CDH18: variants seen among roughly 807,000 people sequenced by gnomAD.
CDH18 encodes cadherin-18.
In CDH18, 31 loss-of-function variants were observed where a neutral mutation model predicts 67.9. The observed-to-expected ratio is 0.46, with a 90% confidence interval of 0.34 to 0.62. CDH18 has a LOEUF of 0.62. Among genes scored for constraint, CDH18 ranks in the 20% least tolerant of loss-of-function variants. The pLI is 0.01. For synonymous variants in CDH18, 362 were observed against 347.2 expected (o/e 1.04, Z -0.48); for missense variants, 890 against 975.5 (o/e 0.91, Z 1.17).
chr5:20,103,569 C>CAAAAAAA (rs139801417), intron 2 of CDH18, among the ~76,000 whole-genome samples: 1 of 102,120 alleles, frequency 9.8e-6, no homozygotes, highest in African/African-American at 4.2e-5. Flanking sequence ...ACTAAAAATA[C>CAAAAAAA]AAAAAAAAAA....
intron 2 of CDH18, among the ~76,000 whole-genome samples, chr5:19,915,160 C>T (rs1477993037): frequency 1.3e-5 from 2 of 152,110 alleles, no homozygotes; most frequent in East Asian, 3.9e-4. Flanking sequence ...TCTTTGATTT[C>T]TTAGTCTCTT....
At chr5:20,264,163 G>A (rs951532244) in intron 1 of CDH18, among the ~76,000 whole-genome samples, 1 of 151,912 alleles carries the variant, frequency 6.6e-6, no homozygotes, top group Non-Finnish European at 1.5e-5. Context: ...CCTAGTTAGT[G>A]CTAACTACAG....
chr5:19,495,683 CACT>C (rs1422750870), intron 11 of CDH18, among the ~76,000 whole-genome samples: 2 of 123,634 alleles, frequency 1.6e-5, no homozygotes, highest in African/African-American at 6.3e-5. Context: ...CCCGCCATTG[CACT>C]ACAGCCTGGG....
intron 2 of CDH18, among the ~76,000 whole-genome samples, chr5:19,973,410 T>C (rs1798212776): frequency 6.6e-6 from 1 of 152,156 alleles, no homozygotes; most frequent in Non-Finnish European, 1.5e-5. Context: ...CTATGTACGA[T>C]GTACTTCAAA....
intron 10 of CDH18, among the ~76,000 whole-genome samples, chr5:19,514,975 T>A (rs1226771458): frequency 6.6e-6 from 1 of 152,212 alleles, no homozygotes; most frequent in African/African-American, 2.4e-5. Context: ...TTTTTATGGT[T>A]TTAGGTCTAA....
intron 1 of CDH18, among the ~76,000 whole-genome samples, chr5:19,987,102 AG>A (rs1377646335): frequency 6.6e-6 from 1 of 152,174 alleles, no homozygotes; most frequent in Non-Finnish European, 1.5e-5. Flanking sequence ...GACTTCCAAC[AG>A]GAAAAAAGCA....
chr5:20,564,222 T>C (rs1758372713), intron 1 of CDH18, among the ~76,000 whole-genome samples: 1 of 151,844 alleles, frequency 6.6e-6, no homozygotes, highest in Admixed American at 6.6e-5. Flanking sequence ...TAATCGTTCT[T>C]AATCTTCCCA....
At chr5:19,962,378 C>CAAAAAA (rs3065078) in intron 2 of CDH18, among the ~76,000 whole-genome samples, 4,078 of 50,582 alleles carry the variant, frequency 0.081, 149 homozygotes, top group Middle Eastern at 0.12. Context: ...CGTCAAAAAG[C>CAAAAAA]AAAAAAAAAA....
chr5:20,011,920 C>G (rs1402882983), intron 2 of CDH18, among the ~76,000 whole-genome samples: 1 of 151,994 alleles, frequency 6.6e-6, no homozygotes, highest in African/African-American at 2.4e-5. Flanking sequence ...GTATTTCTGC[C>G]AGGTTTTGGT....
rs575055371 is a variant in CDH18 at position 19,984,521 on chromosome 5, T to A, written c.-375-3343A>T. Among the ~76,000 whole-genome samples the A allele has an allele frequency of 5.3e-5, 8 of 152,320 alleles. No individual in the cohort carries two copies. The South Asian group carries it at 1.2e-3, about 24-fold the overall frequency. Reference sequence around the variant, plus strand: ...ATGAAAATAATATAGCAGAGAATATTAACCTTTCTTGTAGATGATTTTTAA... The same window carrying A: ...ATGAAAATAATATAGCAGAGAATATAAACCTTTCTTGTAGATGATTTTTAA... On this transcript the variant is annotated intron_variant, in intron 1 of 12. Coordinates refer to ENST00000382275, the MANE Select transcript of CDH18 (RefSeq NM_004934.5).
At chr5:20,329,460 TAA>T (rs1738944828) in intron 1 of CDH18, among the ~76,000 whole-genome samples, 1 of 152,010 alleles carries the variant, frequency 6.6e-6, no homozygotes, top group Non-Finnish European at 1.5e-5. Context: ...AAAATGCTGA[TAA>T]AGAGTCAGCC....
intron 2 of CDH18, among the ~76,000 whole-genome samples, chr5:20,182,392 G>A (rs989862558): frequency 6.6e-6 from 1 of 151,570 alleles, no homozygotes; most frequent in Non-Finnish European, 1.5e-5. Context: ...CACCTGAGGT[G>A]AGGAGTTTGA....
chr5:19,759,857 G>A (rs187333528), intron 3 of CDH18, among the ~76,000 whole-genome samples: 1 of 152,252 alleles, frequency 6.6e-6, no homozygotes, highest in Admixed American at 6.5e-5. Flanking sequence ...CTTCACTCCA[G>A]GGGTTCTGGG....
intron 12 of CDH18, among the ~76,000 whole-genome samples, chr5:19,480,409 C>T (rs1176535745): frequency 6.6e-6 from 1 of 151,218 alleles, no homozygotes; most frequent in Non-Finnish European, 1.5e-5. Context: ...TGGAGTCTCA[C>T]TCTGTCATCC....
At chr5:19,650,537 A>G (rs1755420621) in intron 5 of CDH18, among the ~76,000 whole-genome samples, 1 of 152,062 alleles carries the variant, frequency 6.6e-6, no homozygotes, top group Non-Finnish European at 1.5e-5. Flanking sequence ...AATGGAGATA[A>G]AGAGAAAATA....
At chr5:20,571,183 A>G (rs1758799541) in intron 1 of CDH18, among the ~76,000 whole-genome samples, 1 of 152,126 alleles carries the variant, frequency 6.6e-6, no homozygotes, top group African/African-American at 2.4e-5. Flanking sequence ...TGACACCTCT[A>G]CGTCTTTACC....
At chr5:20,210,377 G>A (rs768934725) in intron 2 of CDH18, among the ~76,000 whole-genome samples, 43 of 151,950 alleles carry the variant, frequency 2.8e-4, no homozygotes, top group Non-Finnish European at 4.7e-4. Context: ...TCAGAGTTAT[G>A]TATTTCATCT....
chr5:20,222,559 A>T (rs1270057021), intron 2 of CDH18, among the ~76,000 whole-genome samples: 1 of 152,150 alleles, frequency 6.6e-6, no homozygotes, highest in East Asian at 1.9e-4. Flanking sequence ...CTTTAGCTGG[A>T]ACATAAACCA....
At chr5:19,488,930 A>T (rs1740832569) in intron 11 of CDH18, among the ~76,000 whole-genome samples, 2 of 152,056 alleles carry the variant, frequency 1.3e-5, no homozygotes, top group South Asian at 4.2e-4. Flanking sequence ...CAGTTTGCAA[A>T]CATCCTTGTG....
Sources: allele counts gnomAD v4.1 joint callset (sites outside exome capture counted in the v4.1 genomes callset), GRCh38; gene constraint gnomAD v4.1.1; transcripts MANE v1.5; gene names NCBI Gene and HGNC (gene_info 2026-07-23, HGNC 2026-07-21).